The following TRAPPC9 variants were observed in gnomAD, a reference collection of about 807,000 sequenced individuals.
TRAPPC9 encodes the protein IKK2 binding protein.
Under a neutral mutation model 124.0 loss-of-function variants are expected in TRAPPC9, and 83 were observed. The observed-to-expected ratio is 0.67, with a 90% CI of 0.56 to 0.80. TRAPPC9 has a LOEUF of 0.80. Ranked by LOEUF, TRAPPC9 falls within the 30% of genes least tolerant of loss-of-function variation. The probability of loss-of-function intolerance (pLI) is 0.00; values close to 1 mark genes in which losing one functional copy is unlikely to be tolerated. For synonymous variants in TRAPPC9, 638 were observed against 617.5 expected (o/e 1.03, Z -0.49); for missense variants, 1,302 against 1,508.3 (o/e 0.86, Z 2.27).
chr8:140,302,342 T>C (rs2066003183), intron 10 of TRAPPC9, among the ~76,000 whole-genome samples: 1 of 152,228 alleles, frequency 6.6e-6, no homozygotes, highest in East Asian at 1.9e-4. Context: ...ATTATGCCTT[T>C]ATCATAGCGG....
intron 17 of TRAPPC9, among the ~76,000 whole-genome samples, chr8:140,162,009 T>C: frequency 6.6e-6 from 1 of 152,190 alleles, no homozygotes; most frequent in Non-Finnish European, 1.5e-5. Context: ...AAGGTGCCTC[T>C]GTGGACACAG....
chr8:140,292,355 G>A lies in TRAPPC9; in HGVS notation c.1769-1277C>T, dbSNP rs996580069. 7.9e-5 allele frequency among the ~76,000 whole-genome samples: 12 copies of A among 152,218 alleles called. No individual in the cohort carries two copies. In the South Asian group the frequency reaches 2.5e-3, roughly 31 times the overall value. On this transcript the variant is annotated intron_variant, in intron 11 of 22. Transcript: ENST00000438773. ...AATAAATTGGCCCAGGAACCACACA[G>A]CAAGCGAGAGGAGCTGCTGGATTCA...
intron 9 of TRAPPC9, among the ~76,000 whole-genome samples, chr8:140,312,551 CCATTATCAT>C (rs1356170872): frequency 1.3e-5 from 2 of 152,062 alleles, no homozygotes; most frequent in Non-Finnish European, 2.9e-5. Context: ...ATGATAATAA[CCATTATCAT>C]CATTATCATA....
Position 139,919,349 on chromosome 8 carries a change from T to C in TRAPPC9, c.2811-9049A>G, listed in dbSNP as rs565725108. Among the ~76,000 whole-genome samples, 18 of 152,286 alleles carry C rather than the reference T, an allele frequency of 1.2e-4. No individual in the cohort carries two copies. The East Asian group carries it at 3.1e-3, about 26-fold the overall frequency. On this transcript the variant is annotated intron_variant, in intron 19 of 22. Coordinates refer to ENST00000438773, the MANE Select transcript of TRAPPC9 (RefSeq NM_001160372.4). ...TTGATTTGAACCACTTGGCACATAA[T>C]TGGTGCTCAAAACAATTATAGCTAT...
At chr8:140,371,905 G>T (rs2132245023) in intron 7 of TRAPPC9, among the ~76,000 whole-genome samples, 1 of 152,226 alleles carries the variant, frequency 6.6e-6, no homozygotes, top group East Asian at 1.9e-4. Flanking sequence ...ATTTCACCAT[G>T]TTAACCAGGC....
chr8:140,021,082 T>C (rs1156268619), intron 18 of TRAPPC9, among the ~76,000 whole-genome samples: 1 of 152,230 alleles, frequency 6.6e-6, no homozygotes, highest in African/African-American at 2.4e-5. Flanking sequence ...AAAGGTAGTA[T>C]TAAATCTATT....
chr8:140,113,547 C>T (rs1419444657), intron 17 of TRAPPC9, among the ~76,000 whole-genome samples: 8 of 152,228 alleles, frequency 5.3e-5, no homozygotes, highest in African/African-American at 1.7e-4. Flanking sequence ...AGGCACCTGC[C>T]TGGCCACTCA....
intron 19 of TRAPPC9, among the ~76,000 whole-genome samples, chr8:139,925,711 G>A (rs1322559643): frequency 6.7e-6 from 1 of 150,076 alleles, no homozygotes; most frequent in East Asian, 2.0e-4. Context: ...TCACGTCACT[G>A]CACTTGAGCC....
chr8:139,803,492 T>C (rs1460789109), intron 21 of TRAPPC9, among the ~76,000 whole-genome samples: 1 of 152,198 alleles, frequency 6.6e-6, no homozygotes, highest in Non-Finnish European at 1.5e-5. Context: ...CAGGGAAGCC[T>C]CAGGCCCAGC....
At chr8:139,938,888 A>G (rs970118586) in intron 19 of TRAPPC9, among the ~76,000 whole-genome samples, 2 of 135,674 alleles carry the variant, frequency 1.5e-5, no homozygotes, top group Admixed American at 7.2e-5. Context: ...CTCATGATCC[A>G]CCCGCCTCGG....
chr8:140,272,130 C>CGATGGTGATGGTGATGGT (rs1411570320), intron 15 of TRAPPC9, among the ~76,000 whole-genome samples: 16 of 100,382 alleles, frequency 1.6e-4, no homozygotes, highest in Non-Finnish European at 3.6e-4. Context: ...GTGATGGTGG[C>CGATGGTGATGGTGATGGT]GATGGTGATG....
chr8:140,254,520 C>A (rs899099058), intron 15 of TRAPPC9, among the ~76,000 whole-genome samples: 1 of 152,186 alleles, frequency 6.6e-6, no homozygotes, highest in Non-Finnish European at 1.5e-5. Context: ...CATGCTAGGT[C>A]TCTGGCTGTC....
At chr8:139,795,747 G>A (rs1823012227) in intron 21 of TRAPPC9, among the ~76,000 whole-genome samples, 1 of 152,154 alleles carries the variant, frequency 6.6e-6, no homozygotes, top group Middle Eastern at 3.4e-3. Flanking sequence ...TGCTCTCCTG[G>A]GCCAGTGAGC....
At position 139,784,631 on chromosome 8, in the gene TRAPPC9, A is replaced by ACATATGTATAT. The variant is rs1563810544; in HGVS notation, c.3056-52430_3056-52429insATATACATATG. 3.0e-4 allele frequency among the ~76,000 whole-genome samples: 43 copies of ACATATGTATAT among 143,466 alleles called. 1 individual carries two copies. The highest frequency in any genetic ancestry group is 5.2e-4 in the Non-Finnish European group (34 of 65,236). The allele number at this position is 143,466 out of a possible 152,430, so 94.1% of individuals were successfully genotyped here. ...GACATATATATATATATATATATAT[A>ACATATGTATAT]TATATATATATATAAATCAACTGCA... On this transcript the variant is annotated intron_variant, in intron 21 of 22. Transcript: ENST00000438773.
At chr8:140,349,844 C>T (rs1461923779) in intron 9 of TRAPPC9, among the ~76,000 whole-genome samples, 1 of 152,202 alleles carries the variant, frequency 6.6e-6, no homozygotes. Flanking sequence ...GCTGCCACCA[C>T]GTCCAGGTAG....
At chr8:140,311,175 C>T in intron 10 of TRAPPC9, 73 bp downstream of exon 10, 2 of 1,578,448 alleles carry the variant, frequency 1.3e-6, no homozygotes, top group Non-Finnish European at 1.7e-6. Flanking sequence ...CTAAAGATCT[C>T]TATTCACAAT....
chr8:139,954,803 G>T (rs1173545589), intron 19 of TRAPPC9, among the ~76,000 whole-genome samples: 1 of 152,156 alleles, frequency 6.6e-6, no homozygotes, highest in Non-Finnish European at 1.5e-5. Context: ...GCCCTGGTTT[G>T]AATAAAGGCC....
At chr8:140,005,666 A>T (rs927593902) in intron 18 of TRAPPC9, among the ~76,000 whole-genome samples, 4 of 152,074 alleles carry the variant, frequency 2.6e-5, no homozygotes, top group Admixed American at 2.6e-4. Flanking sequence ...GCTGGGTCAG[A>T]TTATGGGAAG....
chr8:139,757,899 C>G (rs893007655), intron 21 of TRAPPC9, among the ~76,000 whole-genome samples: 8 of 152,310 alleles, frequency 5.3e-5, no homozygotes, highest in African/African-American at 1.9e-4. Flanking sequence ...GCTGGGCTTC[C>G]TCCAGGGAGT....
Sources: gnomAD v4.1 joint callset for allele counts (sites outside exome capture counted in the v4.1 genomes callset) on GRCh38, gnomAD v4.1.1 for gene constraint, MANE v1.5 for transcripts, NCBI Gene and HGNC (gene_info 2026-07-23, HGNC 2026-07-21) for gene names.